Variants in RBMS2 observed in about 807,000 individuals in gnomAD.
The protein encoded by RBMS2 is RNA binding motif single stranded interacting protein 2, also known as RNA-binding motif, single-stranded-interacting protein 2.
Under a neutral mutation model 58.4 loss-of-function variants are expected in RBMS2, and 38 were observed. That is an observed-to-expected ratio of 0.65 (90% CI 0.50 to 0.85). The LOEUF (loss-of-function observed/expected upper bound fraction) is 0.85, where lower values mean the gene tolerates loss of function less well. Among genes scored for constraint, RBMS2 ranks in the 40% least tolerant of loss-of-function variants. The pLI, the probability that RBMS2 is intolerant of heterozygous loss-of-function variation, is 0.00. For synonymous variants in RBMS2, 151 were observed against 180.7 expected (o/e 0.84, Z 1.32); for missense variants, 367 against 503.7 (o/e 0.73, Z 2.60).
chr12:56,567,466 GGAAGAA>G (rs896928117), intron 2 of RBMS2, among the ~76,000 whole-genome samples: 1 of 151,286 alleles, frequency 6.6e-6, no homozygotes, highest in Non-Finnish European at 1.5e-5. Context: ...AGAAGAAGAA[GGAAGAA>G]GAAGAAGAAG....
chr12:56,578,039 G>T (rs948129218), intron 5 of RBMS2, among the ~76,000 whole-genome samples: 1 of 152,086 alleles, frequency 6.6e-6, no homozygotes, highest in Admixed American at 6.6e-5. Context: ...TGCCCAAGCT[G>T]GTCTTGAACA....
intron 5 of RBMS2, among the ~76,000 whole-genome samples, chr12:56,577,947 C>G (rs1364500199): frequency 6.6e-6 from 1 of 151,970 alleles, no homozygotes; most frequent in East Asian, 1.9e-4. Context: ...CTCGGCCTCC[C>G]AGAGTGCTAG....
At chr12:56,562,715 A>C in intron 2 of RBMS2, 132 bp downstream of exon 2, 1 of 1,019,232 alleles carries the variant, frequency 9.8e-7, no homozygotes, top group East Asian at 2.4e-5. Context: ...AGTAGCTGGG[A>C]TTACAGATGC....
At chr12:56,536,105 C>T (rs1264992463) in intron 1 of RBMS2, among the ~76,000 whole-genome samples, 1 of 145,954 alleles carries the variant, frequency 6.9e-6, no homozygotes, top group Non-Finnish European at 1.5e-5. Flanking sequence ...GAGGCTGAAA[C>T]AGGAGAATCA....
intron 1 of RBMS2, among the ~76,000 whole-genome samples, chr12:56,522,315 G>C (rs1256936404): frequency 6.6e-6 from 1 of 151,946 alleles, no homozygotes. Flanking sequence ...AAAGACAGGG[G>C]AATTAAAAAC....
intron 1 of RBMS2, among the ~76,000 whole-genome samples, chr12:56,556,160 A>C (rs1178938581): frequency 6.6e-6 from 1 of 151,544 alleles, no homozygotes; most frequent in Non-Finnish European, 1.5e-5. Flanking sequence ...TAATCCCAGC[A>C]TTTTGGGAGG....
intron 1 of RBMS2, among the ~76,000 whole-genome samples, chr12:56,535,040 T>C (rs1057309521): frequency 3.3e-5 from 5 of 152,174 alleles, no homozygotes; most frequent in African/African-American, 4.8e-5. Context: ...ATTTGACTTA[T>C]GGAATGCCAC....
chr12:56,530,647 A>G lies in RBMS2; in HGVS notation c.66+8558A>G, dbSNP rs528088075. Among the ~76,000 whole-genome samples, 3 of 152,286 alleles carry G rather than the reference A, an allele frequency of 2.0e-5. No homozygotes were observed. The East Asian group carries it at 5.8e-4, about 29-fold the overall frequency. The stretch of plus-strand genomic sequence containing the variant: ...AGTGCTGGGATTTCAGGCATGAGAT[A>G]CTGCACCTGGCTGAGATAATTTTCT... On this transcript the variant is annotated intron_variant, in intron 1 of 13. Transcript: ENST00000262031.
intron 1 of RBMS2, among the ~76,000 whole-genome samples, chr12:56,546,228 C>T (rs1410021742): frequency 2.7e-5 from 4 of 150,658 alleles, no homozygotes; most frequent in Non-Finnish European, 5.9e-5. Context: ...CGCCATTCTC[C>T]TGCCTCAGCC....
intron 4 of RBMS2, among the ~76,000 whole-genome samples, chr12:56,570,858 T>C (rs996393243): frequency 6.6e-6 from 1 of 152,226 alleles, no homozygotes; most frequent in Non-Finnish European, 1.5e-5. Context: ...ATTACAGGCA[T>C]GAGCCACCAC....
chr12:56,575,866 C>A (rs1883049767), intron 5 of RBMS2, among the ~76,000 whole-genome samples: 1 of 151,488 alleles, frequency 6.6e-6, no homozygotes, highest in Non-Finnish European at 1.5e-5. Flanking sequence ...TGCACTCCAG[C>A]CTGGGCGACA....
chr12:56,569,286 T>C (rs1392723551), intron 3 of RBMS2, among the ~76,000 whole-genome samples: 1 of 152,194 alleles, frequency 6.6e-6, no homozygotes, highest in African/African-American at 2.4e-5. Flanking sequence ...ATTTTGGACT[T>C]TGTATTTCCC....
At chr12:56,529,539 C>G (rs1209650265) in intron 1 of RBMS2, among the ~76,000 whole-genome samples, 1 of 151,654 alleles carries the variant, frequency 6.6e-6, no homozygotes, top group African/African-American at 2.4e-5. Flanking sequence ...GCTTGTGCAA[C>G]AGAGCAAGAC....
Position 56,595,544 on chromosome 12 carries a change from A to C in RBMS2, c.*6411A>C, listed in dbSNP as rs1168216331. On this transcript the variant is annotated 3_prime_UTR_variant, in exon 14 of 14. Coordinates refer to ENST00000262031, the MANE Select transcript of RBMS2 (RefSeq NM_002898.4). ...CTTGTCCTTCCCTACAACTTGGTAGAGGTCCATTTTGTCTTACTTCACACT... is the reference window on the plus strand; with the variant it reads ...CTTGTCCTTCCCTACAACTTGGTAGCGGTCCATTTTGTCTTACTTCACACT... 1 of 151,536 alleles carries C rather than the reference A, an allele frequency of 6.6e-6. No individual in the cohort carries two copies. The highest frequency in any genetic ancestry group is 2.4e-5 in the African/African-American group (1 of 41,284). 9.4% of individuals were successfully genotyped at this position (151,536 alleles called of 1,614,324 possible). A position where few individuals can be genotyped will look rare whatever the true frequency, so the allele number is the denominator to read the frequency against.
rs1592397811 is a variant in RBMS2 at position 56,554,614 on chromosome 12, A to G, written c.67-7803A>G. Among the ~76,000 whole-genome samples, 3 of 152,302 alleles carry G rather than the reference A, an allele frequency of 2.0e-5. 1 individual carries two copies. The Middle Eastern group carries it at 0.01, about 518-fold the overall frequency. On this transcript the variant is annotated intron_variant, in intron 1 of 13. Transcript: ENST00000262031. ...GGACAGGCAGGGTAAGAGCATCAAG[A>G]TAAATAGCTAATGCATGTGAGGCTT...
At chr12:56,569,054 G>A (rs747229458) in intron 3 of RBMS2, 21 bp downstream of exon 3, 10 of 1,601,220 alleles carry the variant, frequency 6.2e-6, no homozygotes, top group Non-Finnish European at 8.6e-6. Context: ...AACTGTCCTT[G>A]GTGTTGGAGA....
At chr12:56,520,974 T>C (rs1373866768), upstream of RBMS2, among the ~76,000 whole-genome samples, 2 of 152,224 alleles carry the variant, frequency 1.3e-5, no homozygotes, top group Non-Finnish European at 2.9e-5. Context: ...AAGTATGAAC[T>C]CATTCCTCGG....
intron 11 of RBMS2, 183 bp downstream of exon 11, chr12:56,587,847 C>A: frequency 2.0e-6 from 1 of 496,510 alleles, no homozygotes; most frequent in Non-Finnish European, 2.6e-6. Context: ...AGCCATTCTG[C>A]TCCCCAGCCC....
At chr12:56,552,841 C>CA in intron 1 of RBMS2, among the ~76,000 whole-genome samples, 1 of 147,646 alleles carries the variant, frequency 6.8e-6, no homozygotes, top group Non-Finnish European at 1.5e-5. Flanking sequence ...GACCCTGTCT[C>CA]AAAAAATAAA....
Sources: allele counts gnomAD v4.1 joint callset (sites outside exome capture counted in the v4.1 genomes callset), GRCh38; gene constraint gnomAD v4.1.1; transcripts MANE v1.5; gene names NCBI Gene and HGNC (gene_info 2026-07-23, HGNC 2026-07-21).